Variants in GFRA1 observed in about 807,000 individuals in gnomAD.
The protein encoded by GFRA1 is GDNF family receptor alpha-1.
GFRA1 carries 16 observed loss-of-function variants against 51.6 expected under a neutral mutation model. The ratio of observed to expected loss-of-function variants is 0.31; its 90% CI spans 0.21 to 0.47. The LOEUF is 0.47. GFRA1 is among the 20% of genes least tolerant of loss of function. GFRA1 has a pLI of 1.00. For synonymous variants in GFRA1, 270 were observed against 241.3 expected (o/e 1.12, Z -1.10); for missense variants, 530 against 594.3 (o/e 0.89, Z 1.13).
At chr10:116,126,972 C>T (rs1056926283) in intron 5 of GFRA1, among the ~76,000 whole-genome samples, 3 of 152,028 alleles carry the variant, frequency 2.0e-5, no homozygotes, top group Non-Finnish European at 4.4e-5. Context: ...GGACATTATG[C>T]TACGTGAAAT....
chr10:116,142,629 C>A (rs376501179), intron 5 of GFRA1, among the ~76,000 whole-genome samples: 1 of 152,124 alleles, frequency 6.6e-6, no homozygotes, highest in Non-Finnish European at 1.5e-5. Flanking sequence ...TTTGCGTGTA[C>A]GTCAGATTGC....
At chr10:116,243,546 A>G (rs1209298744) in intron 4 of GFRA1, among the ~76,000 whole-genome samples, 2 of 151,730 alleles carry the variant, frequency 1.3e-5, no homozygotes, top group African/African-American at 4.8e-5. Context: ...GTGATATAAC[A>G]AAAAGGGTTT....
At chr10:116,237,401 T>C (rs1309334323) in intron 4 of GFRA1, among the ~76,000 whole-genome samples, 4 of 152,188 alleles carry the variant, frequency 2.6e-5, no homozygotes, top group African/African-American at 9.7e-5. Context: ...TTAAGTGTCT[T>C]GTGCAAAGTC....
At chr10:116,129,056 C>A (rs370931942) in intron 5 of GFRA1, among the ~76,000 whole-genome samples, 4 of 152,092 alleles carry the variant, frequency 2.6e-5, no homozygotes, top group Non-Finnish European at 5.9e-5. Flanking sequence ...TTCTAGAATC[C>A]GCAACCTGGA....
intron 4 of GFRA1, among the ~76,000 whole-genome samples, chr10:116,224,998 C>T (rs554751449): frequency 1.2e-4 from 18 of 152,220 alleles, no homozygotes; most frequent in Non-Finnish European, 1.9e-4. Context: ...CTAGAGAAAA[C>T]TATGCTCAGA....
At chr10:116,153,588 A>C (rs574452568) in intron 5 of GFRA1, among the ~76,000 whole-genome samples, 10 of 152,310 alleles carry the variant, frequency 6.6e-5, no homozygotes, top group African/African-American at 1.9e-4. Context: ...GAATCCTTTA[A>C]AAAGTAGTGG....
chr10:116,225,885 G>A (rs1465894165), intron 4 of GFRA1, among the ~76,000 whole-genome samples: 2 of 152,090 alleles, frequency 1.3e-5, no homozygotes, highest in African/African-American at 2.4e-5. Flanking sequence ...CACTGTACCC[G>A]ACTGAAATTA....
chr10:116,274,487 GAGA>G (rs936019543), upstream of GFRA1, among the ~76,000 whole-genome samples: 22 of 152,212 alleles, frequency 1.4e-4, no homozygotes, highest in African/African-American at 4.8e-4. Flanking sequence ...TCAGGGCGGG[GAGA>G]AGAAGAGGAG....
At chr10:116,252,695 T>C (rs1411051240) in intron 4 of GFRA1, among the ~76,000 whole-genome samples, 1 of 152,180 alleles carries the variant, frequency 6.6e-6, no homozygotes, top group Non-Finnish European at 1.5e-5. Context: ...TGCAGTGCAA[T>C]GTCTCGAGGC....
chr10:116,149,903 G>A lies in GFRA1; in HGVS notation c.434-24346C>T, dbSNP rs544261197. Among the ~76,000 whole-genome samples, 15 of 152,282 alleles carry A rather than the reference G, an allele frequency of 9.9e-5. No individual in the cohort carries two copies. In the East Asian group the frequency reaches 2.5e-3, roughly 25 times the overall value. On this transcript the variant is annotated intron_variant, in intron 5 of 10. Coordinates refer to ENST00000355422, the MANE Select transcript of GFRA1 (RefSeq NM_005264.8). ...GGATGGGAGAGACTCATGCAGAAAC[G>A]CTCCTTCTTAGTATGTTCCAAGCAC...
intron 4 of GFRA1, among the ~76,000 whole-genome samples, chr10:116,214,999 G>T (rs142635186): frequency 3.9e-5 from 6 of 151,934 alleles, no homozygotes; most frequent in Non-Finnish European, 7.4e-5. Context: ...ATTTTGCACC[G>T]TTTTATTCAA....
intron 5 of GFRA1, among the ~76,000 whole-genome samples, chr10:116,156,555 C>G (rs756315730): frequency 1.3e-5 from 2 of 152,202 alleles, no homozygotes; most frequent in Non-Finnish European, 2.9e-5. Flanking sequence ...TCCATCCCCA[C>G]TCATTCTTTA....
chr10:116,167,274 T>C (rs1960557718), intron 5 of GFRA1, among the ~76,000 whole-genome samples: 2 of 152,098 alleles, frequency 1.3e-5, no homozygotes, highest in South Asian at 4.2e-4. Context: ...AAACTTATCC[T>C]CCCATCGCCA....
intron 6 of GFRA1, among the ~76,000 whole-genome samples, chr10:116,106,242 A>G (rs1274466675): frequency 6.6e-6 from 1 of 152,210 alleles, no homozygotes; most frequent in African/African-American, 2.4e-5. Context: ...TAGATCAGTA[A>G]GAGAATAAAT....
In GFRA1 at chr10:116,167,150, T is replaced by A. The variant is rs1174456563; in HGVS notation, c.434-41593A>T. 2.0e-5 allele frequency among the ~76,000 whole-genome samples: 3 copies of A among 152,156 alleles called. No individual in the cohort carries two copies. In the East Asian group the frequency reaches 5.8e-4, roughly 29 times the overall value. On this transcript the variant is annotated intron_variant, in intron 5 of 10. Transcript: ENST00000355422. ...CAACTGTGTCTTCTCAAGCCATATT[T>A]TCTTTAACCTTTAAATAGCAGAAGA...
intron 6 of GFRA1, among the ~76,000 whole-genome samples, chr10:116,104,094 C>A (rs959654052): frequency 6.6e-6 from 1 of 152,192 alleles, no homozygotes; most frequent in Admixed American, 6.5e-5. Flanking sequence ...AAGCTCTGTG[C>A]ATCTTGCATT....
intron 5 of GFRA1, among the ~76,000 whole-genome samples, chr10:116,173,780 T>TA (rs1035702389): frequency 1.3e-5 from 2 of 152,044 alleles, no homozygotes; most frequent in South Asian, 2.1e-4. Context: ...TTTCCCCGGT[T>TA]AAAAAAAGTC....
intron 4 of GFRA1, among the ~76,000 whole-genome samples, chr10:116,249,217 G>T (rs1035206502): frequency 6.6e-6 from 1 of 152,150 alleles, no homozygotes; most frequent in African/African-American, 2.4e-5. Context: ...AGCTCCATGG[G>T]GGAGGGGCCA....
intron 5 of GFRA1, among the ~76,000 whole-genome samples, chr10:116,168,948 AC>A (rs1960762856): frequency 6.6e-6 from 1 of 152,174 alleles, no homozygotes; most frequent in Non-Finnish European, 1.5e-5. Flanking sequence ...TGAAAACAAA[AC>A]CCTTAGTGAT....
Sources: gnomAD v4.1 joint callset for allele counts (sites outside exome capture counted in the v4.1 genomes callset) on GRCh38, gnomAD v4.1.1 for gene constraint, MANE v1.5 for transcripts, NCBI Gene and HGNC (gene_info 2026-07-23, HGNC 2026-07-21) for gene names.